The following HDX variants were observed in gnomAD, a reference collection of about 807,000 sequenced individuals.
HDX encodes chromosome X open reading frame 43.
A neutral mutation model predicts 45.2 loss-of-function variants in HDX; 19 were observed. The observed-to-expected ratio is 0.42, with a 90% CI of 0.29 to 0.62. The LOEUF is 0.62. Ranked by LOEUF, HDX falls within the 20% of genes least tolerant of loss-of-function variation. The pLI, the probability that HDX is intolerant of heterozygous loss-of-function variation, is 0.20. For synonymous variants in HDX, 188 were observed against 172.8 expected (o/e 1.09, Z -0.69); for missense variants, 532 against 493.9 (o/e 1.08, Z -0.73).
chrX:84,423,712 T>G (rs2039322340), intron 5 of HDX, among the ~76,000 whole-genome samples: 1 of 111,755 alleles, frequency 8.9e-6, no homozygotes, highest in Non-Finnish European at 1.9e-5. Context: ...GTATAAAACC[T>G]TTATGATCGT....
rs760105865 is a variant in HDX at position 84,347,514 on chromosome X, CT to C, written c.1453-3058del. 3.3e-3 allele frequency among the ~76,000 whole-genome samples: 368 copies of C among 111,742 alleles called. 5 individuals carry two copies. Among genetic ancestry groups the C allele is most frequent in the Admixed American group, 0.032 (336 of 10,499 alleles). ...TGTTCCTTTTGTACTGTTCAATGTA[CT>C]TTTACCTTCAATATTATTTCTCTAA... On this transcript the variant is annotated intron_variant, in intron 6 of 10. Transcript: ENST00000373177.
intron 5 of HDX, among the ~76,000 whole-genome samples, chrX:84,410,753 C>G (rs1374132322): frequency 1.8e-5 from 2 of 111,602 alleles, no homozygotes; most frequent in Non-Finnish European, 3.8e-5. Flanking sequence ...ACCAGCTCTT[C>G]CATATATGTC....
At chrX:84,393,702 T>C (rs1222215330) in intron 5 of HDX, among the ~76,000 whole-genome samples, 1 of 111,053 alleles carries the variant, frequency 9.0e-6, no homozygotes, top group Non-Finnish European at 1.9e-5. Context: ...CATTACTTGT[T>C]ATTGGTCTGC....
intron 1 of HDX, among the ~76,000 whole-genome samples, 157 bp from the exon 2 acceptor site, chrX:84,488,289 T>C (rs1015191728): frequency 5.6e-5 from 6 of 106,568 alleles, no homozygotes; most frequent in Non-Finnish European, 9.6e-5. Flanking sequence ...TGAAGAGCAA[T>C]ACTTTTGGGC....
At position 84,468,597 on chromosome X, in the gene HDX, G is replaced by T; in HGVS notation, c.1126C>A (p.Arg376=). Residue 376 remains arginine, a synonymous_variant, in exon 4 of 11, where the codon CGG becomes AGG. Coordinates refer to ENST00000373177, the MANE Select transcript of HDX (RefSeq NM_001177479.2). ...YQNRNYHLTP[R]TSLHTASSTM... ...CTAGATGCTGTATGTAATGAGGTCC[G>T]TGGTGTCAAATGGTAGTTTCTGTTT... 1 of 1,202,329 alleles carries T rather than the reference G, an allele frequency of 8.3e-7. No individual in the cohort carries two copies. The highest frequency in any genetic ancestry group is 1.1e-6 in the Non-Finnish European group (1 of 886,992).
intron 5 of HDX, among the ~76,000 whole-genome samples, chrX:84,430,485 G>C (rs539852510): frequency 9.0e-6 from 1 of 110,831 alleles, no homozygotes; most frequent in East Asian, 2.8e-4. Context: ...AAACATATTG[G>C]TGCAGATGTC....
intron 5 of HDX, among the ~76,000 whole-genome samples, chrX:84,433,516 A>G (rs58457162): frequency 0.086 from 9,521 of 110,860 alleles, 535 homozygotes; most frequent in African/African-American, 0.21. Flanking sequence ...ATTAATTTAT[A>G]TGTTCTCTCC....
At chrX:84,445,768 G>A (rs1036078438) in intron 4 of HDX, among the ~76,000 whole-genome samples, 18 of 111,523 alleles carry the variant, frequency 1.6e-4, no homozygotes, top group Admixed American at 1.1e-3. Flanking sequence ...ACAAATTAAA[G>A]TTTCAATGCT....
intron 4 of HDX, among the ~76,000 whole-genome samples, chrX:84,441,916 A>G (rs777931922): frequency 1.1e-4 from 12 of 111,389 alleles, no homozygotes; most frequent in Non-Finnish European, 1.5e-4. Context: ...ATTCAACTGT[A>G]TGGTAGTCCT....
At chrX:84,436,469 T>C (rs1217884200) in intron 5 of HDX, among the ~76,000 whole-genome samples, 1 of 112,209 alleles carries the variant, frequency 8.9e-6, no homozygotes, top group Non-Finnish European at 1.9e-5. Flanking sequence ...TTATTGCTAT[T>C]AACTTGGCTT....
chrX:84,361,203 C>A lies in HDX; in HGVS notation c.1452+263G>T, dbSNP rs929724290. On this transcript the variant is annotated intron_variant, in intron 6 of 10. Coordinates refer to ENST00000373177, the MANE Select transcript of HDX (RefSeq NM_001177479.2). ...AGGTAAATATTGGCAATATGTATATCTTTTTAAAACAAATATCTATTCATT... is the reference window on the plus strand; with the variant it reads ...AGGTAAATATTGGCAATATGTATATATTTTTAAAACAAATATCTATTCATT... 5.4e-5 allele frequency among the ~76,000 whole-genome samples: 6 copies of A among 111,239 alleles called. No individual in the cohort carries two copies. In the South Asian group the frequency reaches 1.1e-3, roughly 21 times the overall value.
Position 84,468,637 on chromosome X carries a change from G to A in HDX, c.1086C>T (p.Asp362=). 8.3e-7 allele frequency: 1 copy of A among 1,207,224 alleles called. No homozygotes were observed. Among genetic ancestry groups the A allele is most frequent in the Non-Finnish European group, 1.1e-6 (1 of 891,522 alleles). Residue 362 remains aspartate, a synonymous_variant, in exon 4 of 11, where the codon GAC becomes GAT. Transcript: ENST00000373177. ...SQMVNIRDMS[D]NVLYQNRNYH... ...AGTTTCTGTTTTGATACAGTACATT[G>A]TCTGACATATCTCTAATATTCACCA...
At chrX:84,373,149 G>A (rs1313982693) in intron 5 of HDX, among the ~76,000 whole-genome samples, 1 of 111,412 alleles carries the variant, frequency 9.0e-6, no homozygotes, top group East Asian at 2.8e-4. Flanking sequence ...CCTAGTTTAA[G>A]GAAAAGCCAT....
At chrX:84,469,694 A>G in intron 3 of HDX, 119 bp from the exon 4 acceptor site, 1 of 587,740 alleles carries the variant, frequency 1.7e-6, no homozygotes, top group Non-Finnish European at 2.5e-6. Context: ...CATAAAGGTA[A>G]AAGAAAAAGG....
chrX:84,430,544 A>T (rs934185782), intron 5 of HDX, among the ~76,000 whole-genome samples: 2 of 110,884 alleles, frequency 1.8e-5, no homozygotes, highest in African/African-American at 6.5e-5. Flanking sequence ...CCAGTAGTGG[A>T]ATCGCTGGAT....
chrX:84,366,687 C>A (rs1026289975), intron 5 of HDX, among the ~76,000 whole-genome samples: 2 of 110,903 alleles, frequency 1.8e-5, no homozygotes, highest in East Asian at 5.7e-4. Context: ...CACACATCTA[C>A]AACCAACTGA....
chrX:84,399,786 T>C (rs2038655863), intron 5 of HDX, among the ~76,000 whole-genome samples: 1 of 111,679 alleles, frequency 9.0e-6, no homozygotes, highest in African/African-American at 3.3e-5. Flanking sequence ...CCATTATCCC[T>C]GATAATCACC....
At chrX:84,433,898 C>G (rs2039560474) in intron 5 of HDX, among the ~76,000 whole-genome samples, 1 of 110,766 alleles carries the variant, frequency 9.0e-6, no homozygotes, top group Admixed American at 9.7e-5. Flanking sequence ...GCAGTTCTTT[C>G]AACTCCTTGG....
intron 8 of HDX, among the ~76,000 whole-genome samples, chrX:84,334,953 C>T (rs999329710): frequency 3.6e-5 from 4 of 110,563 alleles, no homozygotes; most frequent in African/African-American, 1.3e-4. Context: ...TATGAACACA[C>T]ATACATACAT....
Sources: gnomAD v4.1 joint callset for allele counts (sites outside exome capture counted in the v4.1 genomes callset) on GRCh38, gnomAD v4.1.1 for gene constraint, MANE v1.5 for transcripts, NCBI Gene and HGNC (gene_info 2026-07-23, HGNC 2026-07-21) for gene names.